DACH1: variants seen among roughly 807,000 people sequenced by gnomAD.
The protein encoded by DACH1 is dachshund family transcription factor 1, also known as dachshund homolog 1.
A neutral mutation model predicts 54.2 loss-of-function variants in DACH1; 12 were observed. The observed-to-expected ratio is 0.22, with a 90% confidence interval of 0.14 to 0.36. The LOEUF (loss-of-function observed/expected upper bound fraction) is 0.36, where lower values mean the gene tolerates loss of function less well. DACH1 is among the 10% of genes least tolerant of loss of function. The pLI, the probability that DACH1 is intolerant of heterozygous loss-of-function variation, is 1.00. For synonymous variants in DACH1, 386 were observed against 366.2 expected, an observed-to-expected ratio of 1.05 and a Z score of -0.62; for missense variants, 805 against 929.8, an observed-to-expected ratio of 0.87 and a Z score of 1.75.
intron 6 of DACH1, among the ~76,000 whole-genome samples, chr13:71,504,533 C>T (rs762983674): frequency 9.9e-5 from 15 of 152,116 alleles, no homozygotes; most frequent in East Asian, 3.9e-4. Flanking sequence ...GGAAAGGCAG[C>T]GTGGATGAGA....
intron 3 of DACH1, among the ~76,000 whole-genome samples, chr13:71,593,817 TATGAAGAAGA>T (rs1021882150): frequency 6.6e-6 from 1 of 151,974 alleles, no homozygotes; most frequent in African/African-American, 2.4e-5. Flanking sequence ...TATTAATAAC[TATGAAGAAGA>T]ATGAAGAAGT....
At chr13:71,725,110 GT>G (rs750020152) in intron 1 of DACH1, among the ~76,000 whole-genome samples, 3 of 151,962 alleles carry the variant, frequency 2.0e-5, no homozygotes, top group Non-Finnish European at 2.9e-5. Flanking sequence ...GAAAATAATG[GT>G]TTTGAACATA....
intron 1 of DACH1, among the ~76,000 whole-genome samples, chr13:71,691,130 T>A (rs1881456766): frequency 6.6e-6 from 1 of 152,190 alleles, no homozygotes. Context: ...GTTTATAAAC[T>A]TGCAGTGGAA....
At chr13:71,524,765 G>A (rs565247365) in intron 6 of DACH1, among the ~76,000 whole-genome samples, 1 of 152,140 alleles carries the variant, frequency 6.6e-6, no homozygotes, top group African/African-American at 2.4e-5. Flanking sequence ...AAGGCCCTTA[G>A]CTTGTGAAAA....
At chr13:71,723,505 C>G (rs905525686) in intron 1 of DACH1, among the ~76,000 whole-genome samples, 1 of 152,114 alleles carries the variant, frequency 6.6e-6, no homozygotes, top group African/African-American at 2.4e-5. Flanking sequence ...TAACTTCAGA[C>G]CGCACAAATA....
At chr13:71,745,675 T>A (rs1884572954) in intron 1 of DACH1, among the ~76,000 whole-genome samples, 1 of 152,196 alleles carries the variant, frequency 6.6e-6, no homozygotes, top group Non-Finnish European at 1.5e-5. Flanking sequence ...ACTGTGCAAT[T>A]CTGCCCAAAA....
chr13:71,848,611 C>T (rs1450608531), intron 1 of DACH1, among the ~76,000 whole-genome samples: 4 of 151,876 alleles, frequency 2.6e-5, no homozygotes, highest in Admixed American at 2.0e-4. Context: ...GGCATTATCA[C>T]AGCTCACTGC....
rs374407071 is a variant in DACH1, at chr13:71,630,541, G to A, written c.1126+15C>T. 1.8e-5 allele frequency: 28 copies of A among 1,566,602 alleles called. No individual in the cohort carries two copies. Among genetic ancestry groups the A allele is most frequent in the African/African-American group, 1.4e-4 (10 of 72,722 alleles). Reference sequence around the variant, plus strand: ...CAAAGTGATCACAATAAGTTTCAGCGAACATAAAACTTACCGACACTTGAA... The same window carrying A: ...CAAAGTGATCACAATAAGTTTCAGCAAACATAAAACTTACCGACACTTGAA... On this transcript the variant is annotated intron_variant, in intron 3 of 10. Transcript: ENST00000613252.
chr13:71,547,609 C>A (rs1319598979), intron 6 of DACH1, among the ~76,000 whole-genome samples: 1 of 152,060 alleles, frequency 6.6e-6, no homozygotes, highest in African/African-American at 2.4e-5. Context: ...GTCAAAAGGA[C>A]AAGATTAAGT....
At chr13:71,501,230 A>G (rs1879887211) in intron 6 of DACH1, among the ~76,000 whole-genome samples, 1 of 152,170 alleles carries the variant, frequency 6.6e-6, no homozygotes, top group Non-Finnish European at 1.5e-5. Flanking sequence ...ACTGTGTAAC[A>G]CGAGGCTGCA....
chr13:71,634,796 A>G (rs1419184047), intron 2 of DACH1, among the ~76,000 whole-genome samples: 2 of 152,198 alleles, frequency 1.3e-5, no homozygotes, highest in African/African-American at 2.4e-5. Context: ...TAAACTATGC[A>G]AATAGCTCAG....
At chr13:71,813,751 A>C (rs1426550994) in intron 1 of DACH1, among the ~76,000 whole-genome samples, 8 of 152,192 alleles carry the variant, frequency 5.3e-5, no homozygotes, top group Non-Finnish European at 1.0e-4. Flanking sequence ...TCAATATTTA[A>C]AGGGATTGCC....
At chr13:71,820,636 T>C (rs1463727295) in intron 1 of DACH1, among the ~76,000 whole-genome samples, 1 of 152,138 alleles carries the variant, frequency 6.6e-6, no homozygotes, top group African/African-American at 2.4e-5. Flanking sequence ...TTAATATATA[T>C]TTTTGGAAAT....
At chr13:71,545,873 T>C (rs557052098) in intron 6 of DACH1, among the ~76,000 whole-genome samples, 2 of 152,136 alleles carry the variant, frequency 1.3e-5, no homozygotes, top group African/African-American at 4.8e-5. Context: ...GGAAGATAAT[T>C]ATCTATTAAA....
intron 1 of DACH1, among the ~76,000 whole-genome samples, chr13:71,823,017 A>G (rs1394956475): frequency 6.6e-6 from 1 of 152,144 alleles, no homozygotes; most frequent in Non-Finnish European, 1.5e-5. Context: ...TATCCTGTAA[A>G]ATAACACAGC....
chr13:71,498,017 C>T (rs1035330050), intron 6 of DACH1, among the ~76,000 whole-genome samples: 23 of 151,880 alleles, frequency 1.5e-4, no homozygotes, highest in Non-Finnish European at 2.9e-4. Flanking sequence ...AGCATTAGAA[C>T]TCTGAATTTT....
intron 3 of DACH1, among the ~76,000 whole-genome samples, chr13:71,597,037 A>G (rs1216629338): frequency 6.6e-6 from 1 of 152,188 alleles, no homozygotes; most frequent in Non-Finnish European, 1.5e-5. Flanking sequence ...CTGAAAGAAA[A>G]CTGGTATTTG....
intron 3 of DACH1, among the ~76,000 whole-genome samples, chr13:71,610,508 TA>T (rs1875243079): frequency 6.6e-6 from 1 of 152,146 alleles, no homozygotes; most frequent in African/African-American, 2.4e-5. Flanking sequence ...TTGCCAAGCA[TA>T]AATCTTAAAG....
chr13:71,550,969 T>C (rs1488010644), intron 6 of DACH1, among the ~76,000 whole-genome samples: 1 of 152,132 alleles, frequency 6.6e-6, no homozygotes, highest in Non-Finnish European at 1.5e-5. Context: ...AAAATACTCA[T>C]GGCCCTATAA....
Sources: allele counts gnomAD v4.1 joint callset (sites outside exome capture counted in the v4.1 genomes callset), GRCh38; gene constraint gnomAD v4.1.1; transcripts MANE v1.5; gene names NCBI Gene and HGNC (gene_info 2026-07-23, HGNC 2026-07-21).